GRM7: variants seen among roughly 807,000 people sequenced by gnomAD.
GRM7 encodes the protein metabotropic glutamate receptor 7.
GRM7 carries 35 observed loss-of-function variants against 84.5 expected under a neutral mutation model. The ratio of observed to expected loss-of-function variants is 0.41; its 90% CI spans 0.32 to 0.55. The LOEUF is 0.55. Ranked by LOEUF, GRM7 falls within the 20% of genes least tolerant of loss-of-function variation. The probability of loss-of-function intolerance (pLI) is 0.19; values close to 1 mark genes in which losing one functional copy is unlikely to be tolerated. For missense variants in GRM7, 1,003 were observed against 1,194.6 expected (o/e 0.84, Z 2.36); for synonymous variants, 487 against 455.1 (o/e 1.07, Z -0.89).
chr3:7,489,153 G>T (rs367625714), intron 7 of GRM7, among the ~76,000 whole-genome samples: 9 of 152,170 alleles, frequency 5.9e-5, no homozygotes, highest in East Asian at 3.9e-4. Context: ...TTTTAAAAAC[G>T]TATTTGACTG....
intron 4 of GRM7, among the ~76,000 whole-genome samples, chr3:7,388,035 T>G (rs2125137229): frequency 6.6e-6 from 1 of 152,228 alleles, no homozygotes; most frequent in South Asian, 2.1e-4. Context: ...CTAGGTATCT[T>G]ATTGTTTTCG....
At chr3:7,636,799 C>A (rs1698114251) in intron 8 of GRM7, among the ~76,000 whole-genome samples, 1 of 152,072 alleles carries the variant, frequency 6.6e-6, no homozygotes, top group Non-Finnish European at 1.5e-5. Context: ...GCTCTCAGTG[C>A]CCAAGATTCA....
intron 1 of GRM7, among the ~76,000 whole-genome samples, chr3:6,980,002 C>T (rs994977992): frequency 1.3e-5 from 2 of 152,078 alleles, no homozygotes; most frequent in Non-Finnish European, 2.9e-5. Flanking sequence ...GTTGAAAAAT[C>T]CCCAAATCTC....
intron 1 of GRM7, among the ~76,000 whole-genome samples, chr3:7,062,764 GTCA>G (rs993457008): frequency 2.0e-5 from 3 of 151,696 alleles, no homozygotes; most frequent in African/African-American, 7.3e-5. Flanking sequence ...TTAGATGGTT[GTCA>G]TCAACACACT....
intron 1 of GRM7, among the ~76,000 whole-genome samples, chr3:7,104,093 C>T (rs572845795): frequency 5.9e-5 from 9 of 151,370 alleles, no homozygotes; most frequent in South Asian, 2.1e-4. Context: ...TGAGGGTAGT[C>T]GTCTTATGAT....
intron 1 of GRM7, among the ~76,000 whole-genome samples, chr3:7,037,072 A>G (rs938486771): frequency 3.3e-5 from 5 of 152,204 alleles, no homozygotes; most frequent in African/African-American, 9.6e-5. Flanking sequence ...ATAATACTTC[A>G]TCAAGTACTT....
At chr3:7,094,017 T>C (rs576252246) in intron 1 of GRM7, among the ~76,000 whole-genome samples, 141 of 152,320 alleles carry the variant, frequency 9.3e-4, no homozygotes, top group Admixed American at 2.1e-3. Context: ...TTGGACTCTT[T>C]AATTACTCTC....
At chr3:6,910,765 G>A (rs1055398075) in intron 1 of GRM7, among the ~76,000 whole-genome samples, 2 of 152,086 alleles carry the variant, frequency 1.3e-5, no homozygotes, top group Non-Finnish European at 2.9e-5. Context: ...GGAAACCAAA[G>A]CATCTCATTC....
intron 4 of GRM7, among the ~76,000 whole-genome samples, chr3:7,369,613 G>C (rs1373002627): frequency 6.6e-6 from 1 of 152,096 alleles, no homozygotes; most frequent in African/African-American, 2.4e-5. Context: ...AGCAATTATT[G>C]TCATATGAGT....
intron 7 of GRM7, among the ~76,000 whole-genome samples, chr3:7,498,876 T>C (rs1699791409): frequency 6.6e-6 from 1 of 152,234 alleles, no homozygotes; most frequent in African/African-American, 2.4e-5. Flanking sequence ...TGTCCTTGGC[T>C]GCCTCCTTCC....
intron 5 of GRM7, among the ~76,000 whole-genome samples, chr3:7,423,258 G>T (rs1369164088): frequency 1.3e-5 from 2 of 152,172 alleles, no homozygotes; most frequent in African/African-American, 4.8e-5. Flanking sequence ...AATCCCGGGA[G>T]TATTCAGGCA....
chr3:7,000,706 G>A (rs903804576), intron 1 of GRM7, among the ~76,000 whole-genome samples: 13 of 152,126 alleles, frequency 8.5e-5, no homozygotes, highest in African/African-American at 3.1e-4. Flanking sequence ...ATGCACTTTG[G>A]CATTTCTTTT....
At chr3:7,468,982 A>G (rs566940738) in intron 7 of GRM7, among the ~76,000 whole-genome samples, 1 of 152,242 alleles carries the variant, frequency 6.6e-6, no homozygotes, top group Non-Finnish European at 1.5e-5. Flanking sequence ...CACATGATCC[A>G]TAATTGCTCA....
At chr3:6,991,010 C>T (rs1398688645) in intron 1 of GRM7, among the ~76,000 whole-genome samples, 9 of 151,898 alleles carry the variant, frequency 5.9e-5, no homozygotes, top group East Asian at 1.9e-4. Context: ...TCCAGGCTGC[C>T]GTGAGACATG....
Position 6,980,193 on chromosome 3 carries a change from G to A in GRM7, c.519+118286G>A, listed in dbSNP as rs1028326211. ...GTTCTAATGAAGAGGCCTTGGGAAA[G>A]AAAAACAAATAAAACTTACCTGAAT... On this transcript the variant is annotated intron_variant, in intron 1 of 9. Coordinates refer to ENST00000357716, the MANE Select transcript of GRM7 (RefSeq NM_000844.4). Among the ~76,000 whole-genome samples, 46 of 151,948 alleles carry A rather than the reference G, an allele frequency of 3.0e-4. 1 individual carries two copies. The highest frequency in any genetic ancestry group is 1.1e-3 in the African/African-American group (44 of 41,438).
intron 2 of GRM7, among the ~76,000 whole-genome samples, chr3:7,238,151 A>G (rs185067723): frequency 6.6e-6 from 1 of 152,294 alleles, no homozygotes; most frequent in African/African-American, 2.4e-5. Context: ...TACCATTCTA[A>G]ATAGCACTTC....
intron 1 of GRM7, among the ~76,000 whole-genome samples, chr3:7,056,271 T>C (rs1174263440): frequency 6.6e-6 from 1 of 151,966 alleles, no homozygotes; most frequent in Non-Finnish European, 1.5e-5. Flanking sequence ...TGGCAGAGCT[T>C]CTACAGGCAT....
At chr3:7,718,553 A>C (rs1701839787) in intron 9 of GRM7, among the ~76,000 whole-genome samples, 1 of 152,194 alleles carries the variant, frequency 6.6e-6, no homozygotes, top group African/African-American at 2.4e-5. Context: ...TTATTCACTT[A>C]GATAGCAGGG....
Position 7,356,404 on chromosome 3 carries a change from C to T in GRM7, c.1033+49752C>T, listed in dbSNP as rs966239238. Among the ~76,000 whole-genome samples, 8 of 151,536 alleles carry T rather than the reference C, an allele frequency of 5.3e-5. 1 individual carries two copies. Among genetic ancestry groups the T allele is most frequent in the South Asian group, 4.2e-4 (2 of 4,802 alleles). ...GCAGCCTCTACCTCCCAAATTCAAG[C>T]GATTCTCCTGCCTCAGCCTCCCAAC... On this transcript the variant is annotated intron_variant, in intron 4 of 9. Coordinates refer to ENST00000357716, the MANE Select transcript of GRM7 (RefSeq NM_000844.4).
Sources: gnomAD v4.1 joint callset for allele counts (sites outside exome capture counted in the v4.1 genomes callset) on GRCh38, gnomAD v4.1.1 for gene constraint, MANE v1.5 for transcripts, NCBI Gene and HGNC (gene_info 2026-07-23, HGNC 2026-07-21) for gene names.